ARID4A: variants seen among roughly 807,000 people sequenced by gnomAD.
ARID4A encodes the protein AT-rich interactive domain-containing protein 4A.
ARID4A carries 39 observed loss-of-function variants against 148.6 expected under a neutral mutation model. The ratio of observed to expected loss-of-function variants is 0.26; its 90% CI spans 0.20 to 0.34. ARID4A has a LOEUF of 0.34. ARID4A is among the 10% of genes least tolerant of loss of function. The pLI is 1.00. For synonymous variants in ARID4A, 475 were observed against 481.2 expected, an observed-to-expected ratio of 0.99 and a Z score of 0.17; for missense variants, 1,265 against 1,449.1, an observed-to-expected ratio of 0.87 and a Z score of 2.06.
chr14:58,299,744 C>T lies in ARID4A; in HGVS notation c.-57-54C>T. 6 of 1,477,616 alleles carry T rather than the reference C, an allele frequency of 4.1e-6. No individual in the cohort carries two copies. The East Asian group carries it at 6.8e-5, about 17-fold the overall frequency. The allele number at this position is 1,477,616 out of a possible 1,614,324, so 91.5% of individuals were successfully genotyped here. A position where few individuals can be genotyped will look rare whatever the true frequency, so the allele number is the denominator to read the frequency against. ...GTTTGTTTACTTTCTTTCCCTTGGT[C>T]GCTCCCCGCAGTTGACTGATTATGT... On this transcript the variant is annotated intron_variant, in intron 1 of 23. Transcript: ENST00000355431.
chr14:58,300,123 TC>T (rs1242908050), intron 2 of ARID4A, among the ~76,000 whole-genome samples: 1 of 152,320 alleles, frequency 6.6e-6, no homozygotes, highest in South Asian at 2.1e-4. Flanking sequence ...TTTAAACACT[TC>T]CTGTGTTGGC....
rs538932851 is a variant in ARID4A at position 58,315,880 on chromosome 14, CT to C, written c.275-2656del. On this transcript the variant is annotated intron_variant, in intron 5 of 23. Transcript: ENST00000355431. ...TCATTGACTGTGTATAGCACAGCTG[CT>C]TTTTTAGAATCATGGTTCTTTGAGT... 3.2e-4 allele frequency among the ~76,000 whole-genome samples: 48 copies of C among 152,218 alleles called. No homozygotes were observed. The East Asian group carries it at 8.9e-3, about 28-fold the overall frequency.
intron 11 of ARID4A, among the ~76,000 whole-genome samples, chr14:58,337,268 A>ATATATATATATATATATATATATATATAT (rs1422819457): frequency 3.2e-3 from 425 of 133,578 alleles, no homozygotes; most frequent in Non-Finnish European, 4.3e-3. Flanking sequence ...ATATATATAT[A>ATATATATATATATATATATATATATATAT]ATTAAAACCG....
At chr14:58,371,802 A>C in intron 23 of ARID4A, 84 bp from the exon 24 acceptor site, 1 of 1,028,784 alleles carries the variant, frequency 9.7e-7, no homozygotes, top group Non-Finnish European at 1.5e-6. Flanking sequence ...GAATAATGTT[A>C]AGAATTTTAT....
chr14:58,303,953 T>C (rs560304539), intron 3 of ARID4A, among the ~76,000 whole-genome samples: 24 of 151,466 alleles, frequency 1.6e-4, no homozygotes, highest in African/African-American at 5.8e-4. Flanking sequence ...CTAGTAAAAA[T>C]ACAAAAAATT....
intron 8 of ARID4A, among the ~76,000 whole-genome samples, chr14:58,324,331 A>G (rs2033098566): frequency 6.6e-6 from 1 of 152,210 alleles, no homozygotes; most frequent in Admixed American, 6.5e-5. Flanking sequence ...GCTGGAGTGC[A>G]GTGACGTGAG....
chr14:58,339,986 C>G (rs954767319), intron 11 of ARID4A, among the ~76,000 whole-genome samples: 2 of 152,094 alleles, frequency 1.3e-5, no homozygotes, highest in Non-Finnish European at 2.9e-5. Flanking sequence ...CCAATCACCT[C>G]CCACCAGGTC....
At chr14:58,334,744 A>G (rs919324123) in intron 11 of ARID4A, among the ~76,000 whole-genome samples, 4 of 151,678 alleles carry the variant, frequency 2.6e-5, no homozygotes, top group African/African-American at 9.7e-5. Context: ...TGTGGATCTC[A>G]TTCCCTTCCT....
At chr14:58,335,963 T>G (rs1480863583) in intron 11 of ARID4A, among the ~76,000 whole-genome samples, 1 of 151,694 alleles carries the variant, frequency 6.6e-6, no homozygotes, top group East Asian at 1.9e-4. Context: ...TCTTTCAACA[T>G]CCATGCTTGC....
intron 11 of ARID4A, 145 bp downstream of exon 11, chr14:58,330,314 G>A (rs1179506748): frequency 2.5e-6 from 3 of 1,187,668 alleles, no homozygotes; most frequent in African/African-American, 1.6e-5. Flanking sequence ...TGTTGAGGAA[G>A]CATTTTGGCT....
At chr14:58,299,071 G>A (rs1184888730) in intron 1 of ARID4A, among the ~76,000 whole-genome samples, 1 of 152,224 alleles carries the variant, frequency 6.6e-6, no homozygotes, top group African/African-American at 2.4e-5. Context: ...GGGGCTACGA[G>A]CTGATACCTC....
chr14:58,317,530 A>G (rs2032531344), intron 5 of ARID4A, among the ~76,000 whole-genome samples: 1 of 149,664 alleles, frequency 6.7e-6, no homozygotes, highest in South Asian at 2.1e-4. Flanking sequence ...TGACCTCGTG[A>G]TCCGCCCACC....
At chr14:58,338,742 AT>A (rs1485436805) in intron 11 of ARID4A, among the ~76,000 whole-genome samples, 2 of 152,122 alleles carry the variant, frequency 1.3e-5, no homozygotes, top group Admixed American at 1.3e-4. Flanking sequence ...ATTTAGTGTT[AT>A]AAATCATTAT....
At chr14:58,319,607 A>G (rs528000986) in intron 7 of ARID4A, among the ~76,000 whole-genome samples, 2 of 113,572 alleles carry the variant, frequency 1.8e-5, no homozygotes, top group African/African-American at 7.0e-5. Context: ...GTGCAGTGGC[A>G]TGATCTTGGC....
intron 2 of ARID4A, 103 bp downstream of exon 2, chr14:58,299,963 T>A: frequency 6.6e-7 from 1 of 1,513,738 alleles, no homozygotes; most frequent in Non-Finnish European, 9.2e-7. Flanking sequence ...AAATTGATGT[T>A]CCTACTGATC....
At chr14:58,323,376 CT>C in intron 7 of ARID4A, 108 bp from the exon 8 acceptor site, 3 of 1,275,706 alleles carry the variant, frequency 2.4e-6, no homozygotes, top group East Asian at 5.0e-5. Context: ...GAGGCTACTA[CT>C]TTAGGGTGTA....
At chr14:58,314,737 G>A (rs1041238877) in intron 5 of ARID4A, among the ~76,000 whole-genome samples, 2 of 152,014 alleles carry the variant, frequency 1.3e-5, no homozygotes, top group African/African-American at 4.8e-5. Context: ...GCCCCCCATT[G>A]TTGGGTTTTC....
chr14:58,318,569 T>C lies in ARID4A; in HGVS notation c.302T>C (p.Leu101Ser). 6.2e-7 allele frequency: 1 copy of C among 1,614,190 alleles called. No individual in the cohort carries two copies. The highest frequency in any genetic ancestry group is 8.5e-7 in the Non-Finnish European group (1 of 1,180,026). ...VVFDDGDERT[L>S]RRTSLCLKGE... ...TTTGATGATGGTGATGAGCGAACATTGAGACGTACCTCACTTTGTCTGAAA... is the reference window on the plus strand; with the variant it reads ...TTTGATGATGGTGATGAGCGAACATCGAGACGTACCTCACTTTGTCTGAAA... Residue 101 changes from leucine to serine, a missense_variant, in exon 6 of 24, where the codon TTG becomes TCG. Physicochemically the swap from Leu to Ser is moderately radical, Grantham distance 145. Transcript: ENST00000355431.
intron 18 of ARID4A, 109 bp from the exon 19 acceptor site, chr14:58,360,792 C>A (rs2035099542): frequency 2.7e-6 from 3 of 1,117,692 alleles, no homozygotes; most frequent in Non-Finnish European, 3.8e-6. Flanking sequence ...TAGGAAGTGA[C>A]ATATAAAATA....
Sources: gnomAD v4.1 joint callset for allele counts (sites outside exome capture counted in the v4.1 genomes callset) on GRCh38, gnomAD v4.1.1 for gene constraint, MANE v1.5 for transcripts, NCBI Gene and HGNC (gene_info 2026-07-23, HGNC 2026-07-21) for gene names.